APBA2: variants seen among roughly 807,000 people sequenced by gnomAD.
APBA2 encodes the protein amyloid beta precursor protein binding family A member 2, also known as amyloid-beta A4 precursor protein-binding family A member 2.
In APBA2, 30 loss-of-function variants were observed where a neutral mutation model predicts 75.0. The observed-to-expected ratio is 0.40, with a 90% confidence interval of 0.30 to 0.54. APBA2 has a LOEUF of 0.54. Among genes scored for constraint, APBA2 ranks in the 20% least tolerant of loss-of-function variants. APBA2 has a pLI of 0.49. For synonymous variants in APBA2, 444 were observed against 409.6 expected, an observed-to-expected ratio of 1.08 and a Z score of -1.01; for missense variants, 801 against 1,016.1, an observed-to-expected ratio of 0.79 and a Z score of 2.88.
chr15:29,106,515 C>A, intron 11 of APBA2, 92 bp from the exon 12 acceptor site: 1 of 1,418,286 alleles, frequency 7.1e-7, no homozygotes, highest in Non-Finnish European at 9.8e-7. Flanking sequence ...CGGGATGTGC[C>A]AGGACAGGGT....
chr15:29,114,777 T>C (rs2044972087), intron 14 of APBA2, among the ~76,000 whole-genome samples: 1 of 117,302 alleles, frequency 8.5e-6, no homozygotes, highest in African/African-American at 2.6e-5. Flanking sequence ...TACCTGAGTG[T>C]GCGTGTGGAG....
intron 13 of APBA2, among the ~76,000 whole-genome samples, chr15:29,108,901 G>A (rs2044584144): frequency 6.6e-6 from 1 of 152,242 alleles, no homozygotes; most frequent in Non-Finnish European, 1.5e-5. Context: ...GCTTGAGTGA[G>A]TGTGGTTCTG....
intron 2 of APBA2, among the ~76,000 whole-genome samples, chr15:28,933,438 C>A (rs2034670496): frequency 6.6e-6 from 1 of 152,194 alleles, no homozygotes; most frequent in African/African-American, 2.4e-5. Context: ...GACTTCCCAG[C>A]CTCCTGAACT....
intron 2 of APBA2, chr15:28,977,380 G>C (rs922420011): frequency 6.6e-6 from 1 of 152,162 alleles, no homozygotes; most frequent in African/African-American, 2.4e-5. Context: ...TTCAACCTCT[G>C]AATTTGGGAG....
intron 2 of APBA2, among the ~76,000 whole-genome samples, chr15:28,992,321 A>G (rs2038277493): frequency 6.6e-6 from 1 of 152,204 alleles, no homozygotes; most frequent in African/African-American, 2.4e-5. Context: ...AAAGGTAATC[A>G]GGAAATGTAT....
chr15:29,052,016 G>A (rs2041616856), intron 3 of APBA2, among the ~76,000 whole-genome samples: 1 of 152,002 alleles, frequency 6.6e-6, no homozygotes, highest in Non-Finnish European at 1.5e-5. Context: ...AGCATTTTAA[G>A]CATTTTCAAG....
intron 2 of APBA2, among the ~76,000 whole-genome samples, chr15:28,938,263 C>CATGGTATTTATGTCCCAACA (rs2034991703): frequency 6.6e-6 from 1 of 152,138 alleles, no homozygotes; most frequent in Non-Finnish European, 1.5e-5. Context: ...AGGTCCAAAC[C>CATGGTATTTATGTCCCAACA]ACATGGTATT....
At chr15:28,981,665 A>G (rs1369658750) in intron 2 of APBA2, among the ~76,000 whole-genome samples, 1 of 152,220 alleles carries the variant, frequency 6.6e-6, no homozygotes, top group African/African-American at 2.4e-5. Context: ...GTATATTTCC[A>G]AAAGAAAATA....
intron 13 of APBA2, among the ~76,000 whole-genome samples, chr15:29,113,518 C>T (rs555473424): frequency 1.3e-5 from 2 of 152,214 alleles, no homozygotes; most frequent in South Asian, 4.1e-4. Context: ...TGCCTGTCTT[C>T]CAGGATGGTA....
At chr15:28,949,174 A>C (rs148473242) in intron 2 of APBA2, among the ~76,000 whole-genome samples, 5 of 151,918 alleles carry the variant, frequency 3.3e-5, no homozygotes. Flanking sequence ...CGTTGTTTGC[A>C]TTGCTGTGAT....
At position 29,093,796 on chromosome 15, in the gene APBA2, CA is replaced by C. The variant is rs891239311; in HGVS notation, c.1216-481del. Among the ~76,000 whole-genome samples the C allele has an allele frequency of 8.5e-5, 13 of 152,278 alleles. 1 individual carries two copies. The highest frequency in any genetic ancestry group is 3.4e-3 in the Middle Eastern group (1 of 294). On this transcript the variant is annotated intron_variant, in intron 7 of 14. Coordinates refer to ENST00000683413, the MANE Select transcript of APBA2 (RefSeq NM_001353788.2). ...CAGGATCTGCAGAGGCCCGCCAGCC[CA>C]GGGGTGAGAAATGGCAGCAACCTCC...
At chr15:28,963,193 T>A (rs1282689456) in intron 2 of APBA2, among the ~76,000 whole-genome samples, 1 of 152,220 alleles carries the variant, frequency 6.6e-6, no homozygotes, top group Non-Finnish European at 1.5e-5. Flanking sequence ...GTTTGTTTGG[T>A]CTGGCCTGAT....
chr15:29,016,906 C>T (rs548334997), intron 3 of APBA2, among the ~76,000 whole-genome samples: 1 of 152,158 alleles, frequency 6.6e-6, no homozygotes, highest in South Asian at 2.1e-4. Flanking sequence ...AGATTTTAAC[C>T]TGTTCCTTTC....
intron 4 of APBA2, among the ~76,000 whole-genome samples, chr15:29,074,265 A>T (rs112719058): frequency 1.3e-5 from 2 of 152,336 alleles, no homozygotes; most frequent in African/African-American, 4.8e-5. Flanking sequence ...AGATGACTGG[A>T]TAAACAAGAG....
intron 1 of APBA2, among the ~76,000 whole-genome samples, chr15:28,920,829 C>A (rs190898294): frequency 1.3e-5 from 2 of 152,250 alleles, no homozygotes. Flanking sequence ...CTGCCATCAT[C>A]CTTCATAATA....
At chr15:29,114,552 G>C (rs576029104) in intron 14 of APBA2, among the ~76,000 whole-genome samples, 26 of 152,244 alleles carry the variant, frequency 1.7e-4, no homozygotes, top group Admixed American at 1.4e-3. Flanking sequence ...ACCGGGGGAG[G>C]CCTGGCCAGT....
intron 3 of APBA2, among the ~76,000 whole-genome samples, chr15:29,049,218 T>C (rs1355267323): frequency 6.6e-6 from 1 of 152,220 alleles, no homozygotes; most frequent in Non-Finnish European, 1.5e-5. Flanking sequence ...TCTAGGTTCA[T>C]TGGTATGTGG....
At chr15:29,072,194 G>A (rs1259052025) in intron 4 of APBA2, among the ~76,000 whole-genome samples, 1 of 152,152 alleles carries the variant, frequency 6.6e-6, no homozygotes, top group Non-Finnish European at 1.5e-5. Context: ...CTGGTGGGCT[G>A]GTTGATTTCT....
intron 7 of APBA2, among the ~76,000 whole-genome samples, chr15:29,093,562 A>G (rs531978747): frequency 1.3e-5 from 2 of 152,368 alleles, no homozygotes; most frequent in African/African-American, 2.4e-5. Flanking sequence ...GTGCTTCAAG[A>G]AAGGGTGAAA....
Sources: gnomAD v4.1 joint callset for allele counts (sites outside exome capture counted in the v4.1 genomes callset) on GRCh38, gnomAD v4.1.1 for gene constraint, MANE v1.5 for transcripts, NCBI Gene and HGNC (gene_info 2026-07-23, HGNC 2026-07-21) for gene names.